The following USP13 variants were observed in gnomAD, a reference collection of about 807,000 sequenced individuals.
USP13 encodes the protein ubiquitin specific peptidase 13, also known as ubiquitin carboxyl-terminal hydrolase 13.
USP13 carries 68 observed loss-of-function variants against 107.8 expected under a neutral mutation model. That is an observed-to-expected ratio of 0.63 (90% CI 0.52 to 0.77). USP13 has a LOEUF of 0.77. USP13 is among the 30% of genes least tolerant of loss of function. The pLI is 0.00. For synonymous variants in USP13, 377 were observed against 389.5 expected (o/e 0.97, Z 0.38); for missense variants, 945 against 1,093.3 (o/e 0.86, Z 1.91).
rs377378905 is a variant in USP13 at position 179,774,270 on chromosome 3, G to C, written c.2414-7469G>C. The stretch of plus-strand genomic sequence containing the variant: ...GTATTCATGAGGGATCCACCTCCAT[G>C]TCCCAAATACCTCCCACTATGTCCG... On this transcript the variant is annotated intron_variant, in intron 19 of 20. Coordinates refer to ENST00000263966, the MANE Select transcript of USP13 (RefSeq NM_003940.3). 1.7e-4 allele frequency among the ~76,000 whole-genome samples: 26 copies of C among 152,302 alleles called. No homozygotes were observed. In the East Asian group the frequency reaches 2.1e-3, roughly 12 times the overall value.
At chr3:179,739,135 G>A (rs149590705) in intron 10 of USP13, among the ~76,000 whole-genome samples, 3 of 152,106 alleles carry the variant, frequency 2.0e-5, no homozygotes, top group South Asian at 2.1e-4. Flanking sequence ...AGCTGGCCTC[G>A]GCAGCCGTCA....
chr3:179,778,298 A>C (rs1160968882), intron 19 of USP13, among the ~76,000 whole-genome samples: 2 of 152,234 alleles, frequency 1.3e-5, no homozygotes, highest in East Asian at 1.9e-4. Context: ...TCATTCCTTC[A>C]TTCATTCATT....
At chr3:179,772,113 C>A (rs974401825) in intron 19 of USP13, among the ~76,000 whole-genome samples, 2 of 152,190 alleles carry the variant, frequency 1.3e-5, no homozygotes, top group African/African-American at 4.8e-5. Context: ...CCGATTGAGT[C>A]ATCTTATTTC....
intron 3 of USP13, among the ~76,000 whole-genome samples, chr3:179,692,090 T>C (rs1173346891): frequency 6.6e-6 from 1 of 152,230 alleles, no homozygotes; most frequent in Non-Finnish European, 1.5e-5. Context: ...TCTGTGTGTG[T>C]GCACACACTT....
chr3:179,704,739 A>G (rs1385783548), intron 4 of USP13, among the ~76,000 whole-genome samples: 1 of 152,186 alleles, frequency 6.6e-6, no homozygotes, highest in Non-Finnish European at 1.5e-5. Flanking sequence ...TAATTATACA[A>G]CAGCATTTGT....
chr3:179,780,583 G>A lies in USP13; in HGVS notation c.2414-1156G>A, dbSNP rs374779455. 8.5e-4 allele frequency among the ~76,000 whole-genome samples: 129 copies of A among 152,220 alleles called. 2 individuals carry two copies. The highest frequency in any genetic ancestry group is 2.5e-3 in the African/African-American group (102 of 41,544). ...CCCAGATCACCAAAATTCAAAGGTC[G>A]GGGAGATGAAGGGAAGCAGTAAGGC... On this transcript the variant is annotated intron_variant, in intron 19 of 20. Transcript: ENST00000263966.
At chr3:179,765,937 T>G in intron 19 of USP13, 89 bp downstream of exon 19, 1 of 1,430,922 alleles carries the variant, frequency 7.0e-7, no homozygotes, top group Non-Finnish European at 9.4e-7. Context: ...AGTCAAGCCT[T>G]TGCCATCATT....
chr3:179,700,186 A>G (rs1452766452), intron 3 of USP13, among the ~76,000 whole-genome samples: 1 of 152,056 alleles, frequency 6.6e-6, no homozygotes, highest in Non-Finnish European at 1.5e-5. Context: ...AGAGGGGACG[A>G]CCTGATAGGT....
chr3:179,760,898 C>A (rs1222626683), intron 16 of USP13, among the ~76,000 whole-genome samples: 1 of 152,200 alleles, frequency 6.6e-6, no homozygotes, highest in East Asian at 1.9e-4. Flanking sequence ...AGGTAATTAA[C>A]CTGGTTCCTA....
chr3:179,726,630 G>T (rs191154852), intron 8 of USP13, among the ~76,000 whole-genome samples: 2 of 152,008 alleles, frequency 1.3e-5, no homozygotes, highest in Non-Finnish European at 2.9e-5. Context: ...ACTTGGCCTG[G>T]TGCCTGGCTG....
intron 1 of USP13, among the ~76,000 whole-genome samples, chr3:179,662,189 T>C (rs1284619911): frequency 1.3e-5 from 2 of 150,388 alleles, no homozygotes; most frequent in South Asian, 2.1e-4. Context: ...ATGGTGCCTC[T>C]ATTCTTAACT....
chr3:179,753,576 G>A (rs532428984), intron 14 of USP13, among the ~76,000 whole-genome samples: 1 of 152,276 alleles, frequency 6.6e-6, no homozygotes, highest in South Asian at 2.1e-4. Context: ...ACCTCAAAAT[G>A]TTCTTGAATG....
intron 4 of USP13, among the ~76,000 whole-genome samples, chr3:179,702,008 A>G (rs1486804156): frequency 6.6e-6 from 1 of 150,810 alleles, no homozygotes; most frequent in Non-Finnish European, 1.5e-5. Flanking sequence ...TTGGTCTCCC[A>G]TTTCTTTTTC....
At chr3:179,746,057 G>A (rs1714395444) in intron 13 of USP13, among the ~76,000 whole-genome samples, 2 of 151,818 alleles carry the variant, frequency 1.3e-5, no homozygotes, top group Non-Finnish European at 2.9e-5. Context: ...GCTACGTTCA[G>A]ATATTCTTTG....
In USP13 at chr3:179,757,077, C is replaced by A; in HGVS notation, c.1947C>A (p.Asp649Glu). ...ATCGCCTGATGAACCAATTGATAGA[C>A]CGTATGTATCTTTAAAAATGTTTCT... ...SKDRLMNQLI[D>E]PSDIDESSVM... Residue 649 changes from aspartate to glutamate, a missense_variant and splice_region_variant, in exon 16 of 21, where the codon GAC (aspartate) becomes GAA (glutamate). Physicochemically the swap from Asp to Glu is conservative, Grantham distance 45 (BLOSUM62 2). Coordinates refer to ENST00000263966, the MANE Select transcript of USP13 (RefSeq NM_003940.3). The A allele has an allele frequency of 6.2e-7, 1 of 1,613,760 alleles. No individual in the cohort carries two copies. Among genetic ancestry groups the A allele is most frequent in the Non-Finnish European group, 8.5e-7 (1 of 1,179,730 alleles).
At chr3:179,777,869 A>G (rs13327135) in intron 19 of USP13, among the ~76,000 whole-genome samples, 18,345 of 152,178 alleles carry the variant, frequency 0.12, 1,557 homozygotes, top group African/African-American at 0.23. Flanking sequence ...AAAGGGCTTA[A>G]AAAGCCAACA....
At position 179,745,048 on chromosome 3, in the gene USP13, C is replaced by T; in HGVS notation, c.1540C>T (p.Leu514=). 6.2e-7 allele frequency: 1 copy of T among 1,614,134 alleles called. No individual in the cohort carries two copies. Among genetic ancestry groups the T allele is most frequent in the Non-Finnish European group, 8.5e-7 (1 of 1,180,034 alleles). The change falls in exon 13 of 21, where the codon CTG becomes TTG. Residue 514 remains leucine (L), a synonymous_variant. Coordinates refer to ENST00000263966, the MANE Select transcript of USP13 (RefSeq NM_003940.3). ...AMEAATNKDE[L]IAYELTRREA... ...TGATTTGCTCTTTCACCCAGATGAA[C>T]TGATCGCTTATGAACTAACGAGAAG... is the stretch of plus-strand genomic sequence containing the variant.
At chr3:179,774,628 G>A (rs1218406480) in intron 19 of USP13, among the ~76,000 whole-genome samples, 1 of 152,178 alleles carries the variant, frequency 6.6e-6, no homozygotes, top group Admixed American at 6.5e-5. Context: ...AGCTCATAAA[G>A]GTAGTGGAGA....
chr3:179,756,934 G>A, intron 15 of USP13, 118 bp from the exon 16 acceptor site: 1 of 992,066 alleles, frequency 1.0e-6, no homozygotes, highest in Non-Finnish European at 1.6e-6. Flanking sequence ...TGACAACAGT[G>A]TGTGGTCCCC....
Sources: allele counts gnomAD v4.1 joint callset (sites outside exome capture counted in the v4.1 genomes callset), GRCh38; gene constraint gnomAD v4.1.1; transcripts MANE v1.5; gene names NCBI Gene and HGNC (gene_info 2026-07-23, HGNC 2026-07-21).